CFH: variants seen among roughly 807,000 people sequenced by gnomAD.
CFH encodes the protein complement factor H.
CFH carries 53 observed loss-of-function variants against 147.3 expected under a neutral mutation model. The observed-to-expected ratio is 0.36, with a 90% CI of 0.29 to 0.45. CFH has a LOEUF of 0.45. Ranked by LOEUF, CFH falls within the 20% of genes least tolerant of loss-of-function variation. The probability of loss-of-function intolerance (pLI) is 1.00; values close to 1 mark genes in which losing one functional copy is unlikely to be tolerated. For missense variants in CFH, 1,380 were observed against 1,498.0 expected (o/e 0.92, Z 1.30); for synonymous variants, 536 against 489.4 (o/e 1.10, Z -1.26).
chr1:196,672,815 G>A (rs1368343533), intron 1 of CFH, among the ~76,000 whole-genome samples, 163 bp from the exon 2 acceptor site: 1 of 151,886 alleles, frequency 6.6e-6, no homozygotes, highest in East Asian at 1.9e-4. Context: ...TGCATGAAAT[G>A]TATGTTTACT....
intron 6 of CFH, among the ~76,000 whole-genome samples, chr1:196,681,805 G>T (rs1667667608): frequency 1.3e-5 from 2 of 151,656 alleles, no homozygotes; most frequent in African/African-American, 4.8e-5. Flanking sequence ...CTTAATAAAA[G>T]AATTCCACTC....
At chr1:196,690,843 T>C (rs1667998152) in intron 9 of CFH, among the ~76,000 whole-genome samples, 1 of 152,096 alleles carries the variant, frequency 6.6e-6, no homozygotes, top group Non-Finnish European at 1.5e-5. Context: ...ATTAATCAAA[T>C]GGGATCTTTG....
chr1:196,682,090 T>A (rs1667677666), intron 6 of CFH, among the ~76,000 whole-genome samples: 1 of 151,902 alleles, frequency 6.6e-6, no homozygotes, highest in Admixed American at 6.6e-5. Flanking sequence ...GATTTAAAGG[T>A]GAATTGTCAA....
At chr1:196,746,492 T>C (rs1653009714) in intron 21 of CFH, among the ~76,000 whole-genome samples, 1 of 152,234 alleles carries the variant, frequency 6.6e-6, no homozygotes, top group Non-Finnish European at 1.5e-5. Flanking sequence ...TTTATATTTA[T>C]ATTTTATTTT....
intron 14 of CFH, 54 bp downstream of exon 14, chr1:196,726,994 A>T: frequency 8.7e-6 from 13 of 1,491,334 alleles, no homozygotes; most frequent in South Asian, 1.1e-5. Flanking sequence ...TTTTTATTGT[A>T]ACAACAATAA....
At chr1:196,720,393 C>T (rs1668971131) in intron 11 of CFH, among the ~76,000 whole-genome samples, 1 of 151,870 alleles carries the variant, frequency 6.6e-6, no homozygotes, top group South Asian at 2.1e-4. Flanking sequence ...AAATACTGAA[C>T]ATTGCACCCA....
In CFH at chr1:196,726,625, G is replaced by C. The variant is rs757407902; in HGVS notation, c.2029G>C (p.Glu677Gln). 1.2e-6 allele frequency: 2 copies of C among 1,611,864 alleles called. No individual in the cohort carries two copies. The highest frequency in any genetic ancestry group is 1.7e-6 in the Non-Finnish European group (2 of 1,178,044). ...GPNKIQCVDG[E>Q]WTTLPVCIVE... ...TAATAAAATTCAATGTGTTGATGGA[G>C]AGTGGACAACTTTACCAGTGTGTAT... The change falls in exon 13 of 22, where the codon GAG becomes CAG. Residue 677 changes from glutamate (E) to glutamine (Q), a missense_variant. Physicochemically the swap from Glu to Gln is conservative, Grantham distance 29 (BLOSUM62 2). This residue lies in a region of CFH where 830 missense variants were observed against 821.4 expected (regional missense o/e 1.01). Coordinates refer to ENST00000367429, the MANE Select transcript of CFH (RefSeq NM_000186.4).
At chr1:196,725,098 G>A in intron 11 of CFH, 23 bp from the exon 12 acceptor site, 1 of 1,592,280 alleles carries the variant, frequency 6.3e-7, no homozygotes, top group Non-Finnish European at 8.6e-7. Flanking sequence ...ATATTCTCAT[G>A]AAATTATTTT....
At position 196,741,864 on chromosome 1, in the gene CFH, T is replaced by C; in HGVS notation, c.2957-11T>C. The C allele has an allele frequency of 6.2e-7, 1 of 1,613,586 alleles. No individual in the cohort carries two copies. Among genetic ancestry groups the C allele is most frequent in the Non-Finnish European group, 8.5e-7 (1 of 1,179,516 alleles). ...GATTTGCGGAACAAATACATATTTT[T>C]CCTATTTCAGAAACAGATTGTCTCA... On this transcript the variant is annotated splice_polypyrimidine_tract_variant and intron_variant, in intron 18 of 21. Coordinates refer to ENST00000367429, the MANE Select transcript of CFH (RefSeq NM_000186.4).
chr1:196,678,318 G>C (rs534073437), intron 5 of CFH: 2 of 152,628 alleles, frequency 1.3e-5, no homozygotes, highest in East Asian at 3.9e-4. Flanking sequence ...CTGCCAACCT[G>C]TGCATCATGA....
chr1:196,679,568 G>A, intron 5 of CFH, 55 bp from the exon 6 acceptor site: 1 of 1,303,192 alleles, frequency 7.7e-7, no homozygotes, highest in African/African-American at 1.5e-5. Context: ...TTATGTCCTG[G>A]TCACAGTCCT....
chr1:196,692,074 G>T (rs1668043002), intron 9 of CFH, among the ~76,000 whole-genome samples: 1 of 151,924 alleles, frequency 6.6e-6, no homozygotes, highest in Non-Finnish European at 1.5e-5. Flanking sequence ...TGAGTATTCT[G>T]CACTATTAGT....
At chr1:196,682,244 T>C (rs1030694983) in intron 6 of CFH, among the ~76,000 whole-genome samples, 1 of 151,756 alleles carries the variant, frequency 6.6e-6, no homozygotes, top group Non-Finnish European at 1.5e-5. Flanking sequence ...TTTCTATTGG[T>C]TCAAAGCATA....
rs750289844 is a variant in CFH at position 196,676,042 on chromosome 1, C to G, written c.404C>G (p.Thr135Ser). 1 of 1,607,092 alleles carries G rather than the reference C, an allele frequency of 6.2e-7. No homozygotes were observed. The highest frequency in any genetic ancestry group is 8.5e-7 in the Non-Finnish European group (1 of 1,174,816). The stretch of plus-strand genomic sequence containing the variant: ...CGTGAATGTGACACAGATGGATGGA[C>G]CAATGATATTCCTATATGTGAAGGT... ...NYRECDTDGW[T>S]NDIPICEVVK... The change falls in exon 4 of 22, where the codon ACC becomes AGC. Residue 135 changes from threonine to serine, a missense_variant. Thr to Ser is a moderately conservative substitution (Grantham distance 58). This residue lies in a region of CFH where 260 missense variants were observed against 263.3 expected (regional missense o/e 0.99). Transcript: ENST00000367429.
intron 1 of CFH, among the ~76,000 whole-genome samples, chr1:196,655,256 T>C (rs747939008): frequency 6.6e-6 from 1 of 152,130 alleles, no homozygotes; most frequent in Non-Finnish European, 1.5e-5. Flanking sequence ...AAGATGGGGT[T>C]TTCCCAGGTA....
rs905194672 is a variant in CFH, at chr1:196,652,129, A to G, written c.12A>G (p.Leu4=). 2 of 1,611,400 alleles carry G rather than the reference A, an allele frequency of 1.2e-6. No individual in the cohort carries two copies. Among genetic ancestry groups the G allele is most frequent in the South Asian group, 1.1e-5 (1 of 91,016 alleles). The change falls in exon 1 of 22, where the codon CTA becomes CTG. Residue 4 remains leucine (L), a synonymous_variant. Transcript: ENST00000367429. ...AAAAGATCCAAAAAATGAGACTTCT[A>G]GCAAAGATTATTTGCCTTATGTTAT... MRL[L]AKIICLMLWA... is the part of the protein sequence containing the mutation.
At chr1:196,721,406 T>A (rs1037259713) in intron 11 of CFH, among the ~76,000 whole-genome samples, 1 of 152,094 alleles carries the variant, frequency 6.6e-6, no homozygotes, top group Non-Finnish European at 1.5e-5. Flanking sequence ...CACCAAGTTC[T>A]GATAAGATAC....
chr1:196,667,915 T>A (rs1667152060), intron 1 of CFH, among the ~76,000 whole-genome samples: 1 of 152,166 alleles, frequency 6.6e-6, no homozygotes, highest in Admixed American at 6.5e-5. Context: ...AATTAATATT[T>A]TTACCACATC....
chr1:196,687,650 G>A (rs1667873375), intron 7 of CFH, among the ~76,000 whole-genome samples: 1 of 151,910 alleles, frequency 6.6e-6, no homozygotes, highest in Non-Finnish European at 1.5e-5. Context: ...CAAGACTCAA[G>A]CTTTCCCAAT....
Sources: gnomAD v4.1 joint callset for allele counts (sites outside exome capture counted in the v4.1 genomes callset) on GRCh38, gnomAD v4.1.1 for gene constraint, gnomAD v4.1.1 regional missense constraint, MANE v1.5 for transcripts, NCBI Gene and HGNC (gene_info 2026-07-23, HGNC 2026-07-21) for gene names.